The following ENTHD1 variants were observed in gnomAD, a reference collection of about 807,000 sequenced individuals.
ENTHD1 encodes ENTH domain-containing protein 1.
Under a neutral mutation model 39.1 loss-of-function variants are expected in ENTHD1, and 23 were observed. The ratio of observed to expected loss-of-function variants is 0.59; its 90% confidence interval spans 0.42 to 0.83. The LOEUF is 0.83. Ranked by LOEUF, ENTHD1 falls within the 40% of genes least tolerant of loss-of-function variation. The pLI is 0.00. For synonymous variants in ENTHD1, 230 were observed against 258.2 expected, an observed-to-expected ratio of 0.89 and a Z score of 1.05; for missense variants, 624 against 705.4, an observed-to-expected ratio of 0.88 and a Z score of 1.31.
intron 5 of ENTHD1, among the ~76,000 whole-genome samples, chr22:39,807,147 T>C (rs1236313595): frequency 2.6e-5 from 4 of 152,200 alleles, no homozygotes; most frequent in Non-Finnish European, 5.9e-5. Flanking sequence ...TAATTCTGTT[T>C]TGACCCCTGA....
chr22:39,762,213 G>A (rs1050031498), intron 6 of ENTHD1, among the ~76,000 whole-genome samples: 12 of 151,994 alleles, frequency 7.9e-5, no homozygotes, highest in East Asian at 1.9e-4. Context: ...TTTAGTGGTC[G>A]GTCAAGAATT....
intron 5 of ENTHD1, among the ~76,000 whole-genome samples, chr22:39,820,300 A>G (rs1052372812): frequency 3.3e-5 from 5 of 152,262 alleles, no homozygotes; most frequent in Non-Finnish European, 7.3e-5. Flanking sequence ...TGGTAAGGGA[A>G]AAGATGCCTG....
At chr22:39,825,649 C>T (rs1174520662) in intron 4 of ENTHD1, among the ~76,000 whole-genome samples, 2 of 151,322 alleles carry the variant, frequency 1.3e-5, no homozygotes, top group Non-Finnish European at 2.9e-5. Context: ...GGGTAGTTTA[C>T]ATTTTCTGAG....
chr22:39,885,256 A>C (rs745848124), intron 2 of ENTHD1, among the ~76,000 whole-genome samples: 4 of 152,262 alleles, frequency 2.6e-5, no homozygotes, highest in Non-Finnish European at 5.9e-5. Context: ...GTTCAGCATC[A>C]TTAGTCTTTA....
At chr22:39,883,855 C>CA (rs137949) in intron 2 of ENTHD1, among the ~76,000 whole-genome samples, 14,684 of 68,710 alleles carry the variant, frequency 0.21, 1,766 homozygotes, top group South Asian at 0.31. Flanking sequence ...CTCTGTCCCA[C>CA]AAAAAAAAAA....
In ENTHD1 at chr22:39,810,750, A is replaced by ACTAG. The variant is rs542225314; in HGVS notation, c.832+10239_832+10242dup. ...CTATAGTTCCAGTTGTGGGCTCTTT[A>ACTAG]CTAGGGCAAATCAACACAGCCCCAG... On this transcript the variant is annotated intron_variant, in intron 5 of 6. Coordinates refer to ENST00000325157, the MANE Select transcript of ENTHD1 (RefSeq NM_152512.4). Among the ~76,000 whole-genome samples the ACTAG allele has an allele frequency of 7.2e-5, 11 of 152,316 alleles. No individual in the cohort carries two copies. In the East Asian group the frequency reaches 1.9e-3, roughly 27 times the overall value.
intron 2 of ENTHD1, among the ~76,000 whole-genome samples, chr22:39,866,784 C>T (rs1323323666): frequency 6.6e-6 from 1 of 152,238 alleles, no homozygotes; most frequent in East Asian, 1.9e-4. Flanking sequence ...TCTTTTCCCT[C>T]CAATTAACTG....
chr22:39,873,193 T>C (rs1421469027), intron 2 of ENTHD1, among the ~76,000 whole-genome samples: 2 of 152,072 alleles, frequency 1.3e-5, no homozygotes, highest in Admixed American at 6.6e-5. Context: ...TTAATTGAAA[T>C]GTATGTGTGT....
intron 3 of ENTHD1, among the ~76,000 whole-genome samples, chr22:39,851,075 T>C (rs1023826459): frequency 1.5e-4 from 23 of 152,172 alleles, no homozygotes; most frequent in Non-Finnish European, 2.4e-4. Context: ...TATTTCACCC[T>C]CACCCTTAAA....
chr22:39,820,714 A>C (rs1569154370), intron 5 of ENTHD1, among the ~76,000 whole-genome samples: 1 of 152,194 alleles, frequency 6.6e-6, no homozygotes, highest in Non-Finnish European at 1.5e-5. Context: ...ATGAAAAAAA[A>C]CAGGAACTAA....
At position 39,743,551 on chromosome 22, in the gene ENTHD1, A is replaced by G. The variant is rs1454179280; in HGVS notation, c.*128T>C. The G allele has an allele frequency of 5.3e-5, 61 of 1,156,716 alleles. No individual in the cohort carries two copies. The highest frequency in any genetic ancestry group is 6.9e-5 in the Non-Finnish European group (59 of 850,888). 71.7% of individuals were successfully genotyped at this position (1,156,716 alleles called of 1,614,324 possible). ...GTATTAGTTTGAAAGATACTTGCTA[A>G]TAAACCTGACAAGGAAAAATTAAAC... On this transcript the variant is annotated 3_prime_UTR_variant, in exon 7 of 7. Transcript: ENST00000325157.
intron 4 of ENTHD1, among the ~76,000 whole-genome samples, chr22:39,822,073 C>T (rs2065787000): frequency 1.3e-5 from 2 of 152,156 alleles, no homozygotes; most frequent in African/African-American, 2.4e-5. Flanking sequence ...CTCCTAATGT[C>T]ATCAATTACC....
chr22:39,878,222 T>C (rs2066307177), intron 2 of ENTHD1, among the ~76,000 whole-genome samples: 3 of 152,176 alleles, frequency 2.0e-5, no homozygotes, highest in African/African-American at 7.2e-5. Flanking sequence ...ATCTTTGAGC[T>C]GGAGGACATC....
intron 5 of ENTHD1, among the ~76,000 whole-genome samples, chr22:39,787,623 T>C (rs1477202500): frequency 6.6e-6 from 1 of 152,182 alleles, no homozygotes; most frequent in Non-Finnish European, 1.5e-5. Flanking sequence ...AGCCCCAACA[T>C]TCCCTTAAGC....
At chr22:39,807,226 A>G (rs563534634) in intron 5 of ENTHD1, among the ~76,000 whole-genome samples, 3 of 152,292 alleles carry the variant, frequency 2.0e-5, no homozygotes, top group African/African-American at 4.8e-5. Flanking sequence ...TCCTACAGCA[A>G]GGATCTGGCT....
intron 6 of ENTHD1, among the ~76,000 whole-genome samples, chr22:39,753,311 A>G (rs2146537367): frequency 6.6e-6 from 1 of 152,344 alleles, no homozygotes; most frequent in South Asian, 2.1e-4. Context: ...TCTTGTGTAC[A>G]TGATCAAGTA....
intron 2 of ENTHD1, chr22:39,876,041 T>C (rs1398285679): frequency 2.5e-6 from 4 of 1,613,818 alleles, no homozygotes; most frequent in African/African-American, 2.7e-5. Flanking sequence ...CAGGATCAGA[T>C]TGGGTCCTGC....
intron 2 of ENTHD1, 23 bp downstream of exon 2, chr22:39,887,377 A>C (rs770088346): frequency 6.4e-7 from 1 of 1,569,994 alleles, no homozygotes; most frequent in South Asian, 1.2e-5. Context: ...CACCCAGCTT[A>C]TATAAACTTC....
chr22:39,795,033 T>C (rs902859376), intron 5 of ENTHD1, among the ~76,000 whole-genome samples: 1 of 152,190 alleles, frequency 6.6e-6, no homozygotes, highest in Non-Finnish European at 1.5e-5. Context: ...AATATGGCAT[T>C]TGTCCTTCAT....
Sources: allele counts gnomAD v4.1 joint callset (sites outside exome capture counted in the v4.1 genomes callset), GRCh38; gene constraint gnomAD v4.1.1; transcripts MANE v1.5; gene names NCBI Gene and HGNC (gene_info 2026-07-23, HGNC 2026-07-21).